The following FHIP1A variants were observed in gnomAD, a reference collection of about 807,000 sequenced individuals.
The protein encoded by FHIP1A is FHF complex subunit HOOK-interacting protein 1A.
Under a neutral mutation model 88.6 loss-of-function variants are expected in FHIP1A, and 61 were observed. The ratio of observed to expected loss-of-function variants is 0.69; its 90% CI spans 0.56 to 0.85. The LOEUF (loss-of-function observed/expected upper bound fraction) is 0.85. Among genes scored for constraint, FHIP1A ranks in the 40% least tolerant of loss-of-function variants. FHIP1A has a pLI of 0.00. For synonymous variants in FHIP1A, 478 were observed against 496.0 expected, an observed-to-expected ratio of 0.96 and a Z score of 0.48; for missense variants, 1,154 against 1,273.5, an observed-to-expected ratio of 0.91 and a Z score of 1.43.
At chr4:151,552,954 T>C (rs541788325) in intron 3 of FHIP1A, among the ~76,000 whole-genome samples, 1 of 152,244 alleles carries the variant, frequency 6.6e-6, no homozygotes, top group African/African-American at 2.4e-5. Flanking sequence ...CCTGTAAAAA[T>C]AGAACCACCT....
Position 151,650,110 on chromosome 4 carries a change from A to G in FHIP1A, c.2069A>G (p.Glu690Gly). ...NNGPLLSTQP[E>G]TDSEEEWNRD... The stretch of plus-strand genomic sequence containing the variant: ...GGCCCCCTCCTCAGCACCCAGCCAG[A>G]GACAGATTCAGAGGAGGAGTGGAAT... The change falls in exon 11 of 14, where the codon GAG (glutamate) becomes GGG (glycine). Residue 690 changes from glutamate to glycine, a missense_variant. Transcript: ENST00000435205. The G allele has an allele frequency of 2.6e-6, 4 of 1,551,694 alleles. No homozygotes were observed. Among genetic ancestry groups the G allele is most frequent in the East Asian group, 2.4e-5 (1 of 40,906 alleles).
intron 2 of FHIP1A, among the ~76,000 whole-genome samples, chr4:151,464,250 C>T (rs754337395): frequency 1.3e-5 from 2 of 152,150 alleles, no homozygotes; most frequent in African/African-American, 4.8e-5. Context: ...AATAGAATCA[C>T]AGAAATGGAG....
chr4:151,417,769 A>G (rs948002146), intron 1 of FHIP1A, among the ~76,000 whole-genome samples: 1 of 152,154 alleles, frequency 6.6e-6, no homozygotes, highest in Non-Finnish European at 1.5e-5. Context: ...CTCTAACACT[A>G]AGTCACTATT....
chr4:151,420,784 G>A (rs962370115), intron 1 of FHIP1A, among the ~76,000 whole-genome samples: 2 of 152,132 alleles, frequency 1.3e-5, no homozygotes, highest in African/African-American at 4.8e-5. Context: ...TATTTTTAAA[G>A]CACTAAGATC....
chr4:151,529,153 A>T (rs189051592), intron 3 of FHIP1A, among the ~76,000 whole-genome samples: 139 of 152,136 alleles, frequency 9.1e-4, no homozygotes, highest in African/African-American at 3.3e-3. Flanking sequence ...CACCTACTTT[A>T]TCTCTGGTTG....
chr4:151,546,091 ACATCCAAT>A (rs1263991309), intron 3 of FHIP1A, among the ~76,000 whole-genome samples: 1 of 151,984 alleles, frequency 6.6e-6, no homozygotes, highest in Non-Finnish European at 1.5e-5. Context: ...TGGGCATGGA[ACATCCAAT>A]CTGCTGGCGG....
intron 1 of FHIP1A, among the ~76,000 whole-genome samples, chr4:151,419,446 C>T (rs993036593): frequency 7.9e-5 from 12 of 152,270 alleles, no homozygotes; most frequent in African/African-American, 1.9e-4. Context: ...TATAAACACA[C>T]ACATACATCT....
intron 3 of FHIP1A, among the ~76,000 whole-genome samples, chr4:151,544,290 A>C (rs1732403919): frequency 6.6e-6 from 1 of 152,146 alleles, no homozygotes; most frequent in African/African-American, 2.4e-5. Context: ...GATTGTTTTC[A>C]CTATGTCACA....
intron 3 of FHIP1A, among the ~76,000 whole-genome samples, chr4:151,526,237 A>G (rs1423751182): frequency 2.0e-5 from 3 of 151,812 alleles, no homozygotes; most frequent in Non-Finnish European, 4.4e-5. Flanking sequence ...CAAAACCGCC[A>G]TTGTCATCAT....
chr4:151,577,865 C>G lies in FHIP1A; in HGVS notation c.521C>G (p.Ala174Gly), dbSNP rs1256235237. The change falls in exon 5 of 14, where the codon GCC becomes GGC. Residue 174 changes from alanine to glycine, a missense_variant. Physicochemically the swap from Ala to Gly is moderately conservative, Grantham distance 60 (BLOSUM62 0). Coordinates refer to ENST00000435205, the MANE Select transcript of FHIP1A (RefSeq NM_001109977.3). ...CTCAATCAGCTCTGTTCCATTCTTGCCAAAGATCCATCCATTTTAGAACTC... is the reference window on the plus strand; with the variant it reads ...CTCAATCAGCTCTGTTCCATTCTTGGCAAAGATCCATCCATTTTAGAACTC... The part of the protein sequence containing the change: ...VLLNQLCSIL[A>G]KDPSILELFF... 6.4e-7 allele frequency: 1 copy of G among 1,551,932 alleles called. No homozygotes were observed. Among genetic ancestry groups the G allele is most frequent in the Non-Finnish European group, 8.7e-7 (1 of 1,147,008 alleles).
chr4:151,476,891 A>AT (rs1561512466), intron 2 of FHIP1A, among the ~76,000 whole-genome samples: 1 of 152,198 alleles, frequency 6.6e-6, no homozygotes, highest in East Asian at 1.9e-4. Context: ...GGCCATTAGC[A>AT]TAAAAAGGAT....
rs545588941 is a variant in FHIP1A, at chr4:151,436,560, C to T, written c.-355-18141C>T. The T allele has an allele frequency of 5.3e-5, 8 of 152,220 alleles. No individual in the cohort carries two copies. In the South Asian group the frequency reaches 1.5e-3, roughly 28 times the overall value. The allele number at this position is 152,220 out of a possible 1,614,324, so 9.4% of individuals were successfully genotyped here. ...TACTCGTTTAAAAGTTGCTTGAAGA[C>T]CAGGATTCTACTGTGGTCATCCCTC... On this transcript the variant is annotated intron_variant, in intron 1 of 13. Transcript: ENST00000435205.
intron 8 of FHIP1A, among the ~76,000 whole-genome samples, chr4:151,630,267 T>C (rs1736106715): frequency 6.6e-6 from 1 of 152,206 alleles, no homozygotes; most frequent in Non-Finnish European, 1.5e-5. Context: ...CATATTCCTG[T>C]CCATGAGTTT....
intron 2 of FHIP1A, among the ~76,000 whole-genome samples, chr4:151,479,513 A>T (rs1729822775): frequency 6.6e-6 from 1 of 152,136 alleles, no homozygotes; most frequent in African/African-American, 2.4e-5. Flanking sequence ...TTATTCAATA[A>T]TTAGCTCATA....
intron 1 of FHIP1A, among the ~76,000 whole-genome samples, chr4:151,445,036 C>T (rs540766852): frequency 2.6e-5 from 4 of 152,188 alleles, no homozygotes; most frequent in African/African-American, 9.6e-5. Flanking sequence ...CCTCAGATGC[C>T]ACAAAAAGTA....
chr4:151,591,240 G>A (rs1734415736), intron 7 of FHIP1A, among the ~76,000 whole-genome samples: 2 of 152,012 alleles, frequency 1.3e-5, no homozygotes, highest in African/African-American at 4.8e-5. Context: ...GAAATCAGAA[G>A]CACATGAACA....
chr4:151,542,795 A>G (rs966947544), intron 3 of FHIP1A, among the ~76,000 whole-genome samples: 1 of 152,188 alleles, frequency 6.6e-6, no homozygotes, highest in Non-Finnish European at 1.5e-5. Context: ...CATGGTTAAG[A>G]GCATGGGGGA....
At chr4:151,488,869 T>G (rs1284246159) in intron 3 of FHIP1A, among the ~76,000 whole-genome samples, 4 of 152,196 alleles carry the variant, frequency 2.6e-5, no homozygotes, top group African/African-American at 9.6e-5. Context: ...TTCTACCAAT[T>G]CTACATGCTT....
chr4:151,604,485 G>C (rs761885018), intron 7 of FHIP1A, among the ~76,000 whole-genome samples: 21 of 152,272 alleles, frequency 1.4e-4, no homozygotes, highest in Non-Finnish European at 2.4e-4. Flanking sequence ...TGAACTAACA[G>C]CTCAAAATAA....
Sources: allele counts gnomAD v4.1 joint callset (sites outside exome capture counted in the v4.1 genomes callset), GRCh38; gene constraint gnomAD v4.1.1; transcripts MANE v1.5; gene names NCBI Gene and HGNC (gene_info 2026-07-23, HGNC 2026-07-21).